KAT7: variants seen among roughly 807,000 people sequenced by gnomAD.
The protein encoded by KAT7 is histone acetyltransferase KAT7.
A neutral mutation model predicts 82.1 loss-of-function variants in KAT7; 10 were observed. That is an observed-to-expected ratio of 0.12 (90% CI 0.08 to 0.21). The LOEUF is 0.21. KAT7 is among the 10% of genes least tolerant of loss of function. KAT7 has a pLI of 1.00. For missense variants in KAT7, 378 were observed against 760.9 expected (o/e 0.50, Z 5.92); for synonymous variants, 250 against 262.5 (o/e 0.95, Z 0.46).
At chr17:49,821,918 TAAAA>T (rs373603649) in intron 11 of KAT7, 128 bp downstream of exon 11, 73 of 634,046 alleles carry the variant, frequency 1.2e-4, no homozygotes, top group Non-Finnish European at 1.6e-4. Context: ...TTCCTTAAAT[TAAAA>T]AAAAAAAAAA....
chr17:49,821,322 T>C lies in KAT7; in HGVS notation c.1156-15T>C, dbSNP rs1294271502. On this transcript the variant is annotated splice_polypyrimidine_tract_variant and intron_variant, in intron 9 of 14. Coordinates refer to ENST00000259021, the MANE Select transcript of KAT7 (RefSeq NM_007067.5). ...GAGGCTTTGGTTCCCTGATGTGAAT[T>C]TCATTGTCTTGCAGGCCAAATGTGT... The C allele has an allele frequency of 6.2e-7, 1 of 1,603,912 alleles. No individual in the cohort carries two copies. The highest frequency in any genetic ancestry group is 1.7e-5 in the Admixed American group (1 of 59,360).
intron 9 of KAT7, among the ~76,000 whole-genome samples, chr17:49,820,881 G>C (rs1274071235): frequency 6.6e-6 from 1 of 151,780 alleles, no homozygotes; most frequent in Non-Finnish European, 1.5e-5. Context: ...TTGTGAGTGG[G>C]TTTTCTAATC....
chr17:49,812,735 G>A (rs548839486), intron 7 of KAT7, among the ~76,000 whole-genome samples: 1 of 151,904 alleles, frequency 6.6e-6, no homozygotes, highest in Non-Finnish European at 1.5e-5. Flanking sequence ...TGTCACCAAG[G>A]CTGAAGGCTG....
At chr17:49,809,038 G>A (rs1185121434) in intron 5 of KAT7, 81 bp from the exon 6 acceptor site, 2 of 1,042,750 alleles carry the variant, frequency 1.9e-6, no homozygotes, top group Non-Finnish European at 2.9e-6. Context: ...TAAATCCAAG[G>A]CATTATCATT....
chr17:49,808,970 C>T, intron 5 of KAT7, 149 bp from the exon 6 acceptor site: 1 of 608,776 alleles, frequency 1.6e-6, no homozygotes, highest in South Asian at 2.0e-5. Context: ...TGCATTATCT[C>T]TTTCTTGTAG....
At chr17:49,818,802 G>C (rs370183036) in intron 9 of KAT7, among the ~76,000 whole-genome samples, 39 of 151,420 alleles carry the variant, frequency 2.6e-4, no homozygotes, top group African/African-American at 9.2e-4. Flanking sequence ...GCAGTGGCGC[G>C]ATCTTGGCTC....
chr17:49,824,385 A>T (rs961723984), intron 12 of KAT7: 3 of 152,070 alleles, frequency 2.0e-5, no homozygotes, highest in African/African-American at 7.3e-5. Flanking sequence ...TTGAGACGGA[A>T]TTTTGCTCTT....
intron 11 of KAT7, 120 bp from the exon 12 acceptor site, chr17:49,823,082 A>C: frequency 1.6e-6 from 1 of 637,728 alleles, no homozygotes; most frequent in Non-Finnish European, 2.8e-6. Flanking sequence ...CCTGGCAGCC[A>C]CTCCTTGGGA....
chr17:49,825,918 T>C, intron 12 of KAT7, 82 bp from the exon 13 acceptor site: 2 of 1,432,842 alleles, frequency 1.4e-6, no homozygotes, highest in Non-Finnish European at 1.9e-6. Flanking sequence ...TCTTAAACCT[T>C]CTTCCATGTT....
chr17:49,798,956 A>G (rs1260097741), intron 4 of KAT7, among the ~76,000 whole-genome samples: 2 of 152,250 alleles, frequency 1.3e-5, no homozygotes, highest in Non-Finnish European at 2.9e-5. Flanking sequence ...TAAGGAAATG[A>G]GAAAAACATT....
At chr17:49,810,947 C>G (rs574574411) in intron 6 of KAT7, among the ~76,000 whole-genome samples, 1 of 152,046 alleles carries the variant, frequency 6.6e-6, no homozygotes, top group African/African-American at 2.4e-5. Flanking sequence ...TGCAGTGAGC[C>G]GCGATCGTGC....
At chr17:49,796,650 T>C in intron 2 of KAT7, 100 bp from the exon 3 acceptor site, 2 of 864,456 alleles carry the variant, frequency 2.3e-6, no homozygotes, top group Non-Finnish European at 3.5e-6. Flanking sequence ...TTTTGTGAAA[T>C]ATGAAGAGGA....
At chr17:49,795,340 A>G (rs180856702) in intron 2 of KAT7, 114 of 183,928 alleles carry the variant, frequency 6.2e-4, no homozygotes, top group Admixed American at 3.0e-3. Context: ...CAGCATCACC[A>G]CGATGGTGTT....
intron 9 of KAT7, among the ~76,000 whole-genome samples, chr17:49,818,679 G>T (rs891402509): frequency 1.3e-5 from 2 of 151,756 alleles, no homozygotes; most frequent in African/African-American, 4.8e-5. Flanking sequence ...CTGCCATGGA[G>T]CAAGGGTGCG....
At chr17:49,803,383 C>T (rs186962487) in intron 4 of KAT7, among the ~76,000 whole-genome samples, 55 of 152,082 alleles carry the variant, frequency 3.6e-4, no homozygotes, top group Non-Finnish European at 6.9e-4. Flanking sequence ...CAGGTGTGAG[C>T]CACCGTGCCT....
Position 49,817,898 on chromosome 17 carries a change from G to A in KAT7, c.1042G>A (p.Asp348Asn). ...AATTGCTTTTGGCCGCTATGAGCTT[G>A]ATACCTGGTATCATTCTCCATATCC... ...KTIAFGRYEL[D>N]TWYHSPYPEE... Residue 348 changes from aspartate (D) to asparagine (N), a missense_variant, in exon 9 of 15, where the codon GAT becomes AAT. By Grantham distance (23) the Asp-to-Asn change is conservative. Coordinates refer to ENST00000259021, the MANE Select transcript of KAT7 (RefSeq NM_007067.5). The A allele has an allele frequency of 6.2e-7, 1 of 1,613,608 alleles. No individual in the cohort carries two copies. Among genetic ancestry groups the A allele is most frequent in the South Asian group, 1.1e-5 (1 of 91,062 alleles).
chr17:49,812,234 C>CTTTTTTTTT (rs35069050), intron 7 of KAT7, among the ~76,000 whole-genome samples: 1 of 119,130 alleles, frequency 8.4e-6, no homozygotes, highest in Non-Finnish European at 1.7e-5. Context: ...GCTTAAAAAT[C>CTTTTTTTTT]TTTTTTTTTT....
Position 49,832,297 on chromosome 17 carries a change from G to A in KAT7, c.*4795G>A, listed in dbSNP as rs2074431286. The stretch of plus-strand genomic sequence containing the variant: ...TGTGGTATAACCTTTAAATGACAAG[G>A]TGATGCTTTTGACTTGTCCTCAACT... On this transcript the variant is annotated 3_prime_UTR_variant, in exon 15 of 15. Transcript: ENST00000259021. The A allele has an allele frequency of 6.6e-6, 1 of 152,120 alleles. No individual in the cohort carries two copies. The highest frequency in any genetic ancestry group is 2.4e-5 in the African/African-American group (1 of 41,404). The allele number at this position is 152,120 out of a possible 1,614,324, so 9.4% of individuals were successfully genotyped here.
At chr17:49,809,745 ACT>A (rs1047842229) in intron 6 of KAT7, among the ~76,000 whole-genome samples, 5 of 151,876 alleles carry the variant, frequency 3.3e-5, no homozygotes, top group African/African-American at 1.2e-4. Flanking sequence ...TTTGGTCTTC[ACT>A]CTTCCTGTTT....
Sources: allele counts gnomAD v4.1 joint callset (sites outside exome capture counted in the v4.1 genomes callset), GRCh38; gene constraint gnomAD v4.1.1; transcripts MANE v1.5; gene names NCBI Gene and HGNC (gene_info 2026-07-23, HGNC 2026-07-21).